Variants in GGACT observed in about 807,000 individuals in gnomAD.
GGACT encodes gamma-glutamylamine cyclotransferase.
For missense variants in GGACT, 241 were observed against 233.2 expected, an observed-to-expected ratio of 1.03 and a Z score of -0.22; for synonymous variants, 118 against 115.3, an observed-to-expected ratio of 1.02 and a Z score of -0.15.
chr13:100,560,182 T>C (rs1594191939), intron 2 of GGACT, among the ~76,000 whole-genome samples: 1 of 152,046 alleles, frequency 6.6e-6, no homozygotes, highest in Non-Finnish European at 1.5e-5. Flanking sequence ...CGTGATTACA[T>C]GAGTATATAT....
intron 2 of GGACT, among the ~76,000 whole-genome samples, chr13:100,543,317 C>G (rs1447603309): frequency 1.4e-5 from 2 of 145,022 alleles, no homozygotes; most frequent in African/African-American, 5.1e-5. Context: ...AAGCAGTTCT[C>G]CTGCCTCAGC....
chr13:100,553,843 CAA>C (rs10664762), intron 2 of GGACT, among the ~76,000 whole-genome samples: 4 of 117,712 alleles, frequency 3.4e-5, no homozygotes, highest in Non-Finnish European at 3.4e-5. Context: ...GACTCCATCT[CAA>C]AAAAAAAAAA....
intron 2 of GGACT, among the ~76,000 whole-genome samples, chr13:100,576,620 A>G (rs149216981): frequency 3.2e-4 from 49 of 152,350 alleles, no homozygotes; most frequent in African/African-American, 1.0e-3. Flanking sequence ...ATACACACAA[A>G]CAAATCTCAA....
chr13:100,588,436 C>T (rs563864320), intron 1 of GGACT, among the ~76,000 whole-genome samples: 13 of 152,220 alleles, frequency 8.5e-5, no homozygotes, highest in African/African-American at 3.1e-4. Flanking sequence ...AGGGAAGCAG[C>T]GCCCGTGCGT....
chr13:100,550,833 C>T (rs896498166), intron 2 of GGACT, among the ~76,000 whole-genome samples: 4 of 151,952 alleles, frequency 2.6e-5, no homozygotes, highest in African/African-American at 9.7e-5. Flanking sequence ...TGTTTTTTCT[C>T]CCCAAATTTA....
In GGACT at chr13:100,539,910, C is replaced by A. The variant is rs2088535179; in HGVS notation, c.-10-7309G>T. 6 of 1,356,980 alleles carry A rather than the reference C, an allele frequency of 4.4e-6. No homozygotes were observed. In the Middle Eastern group the frequency reaches 7.6e-4, roughly 173 times the overall value. The allele number at this position is 1,356,980 out of a possible 1,614,324, so 84.1% of individuals were successfully genotyped here. On this transcript the variant is annotated intron_variant, in intron 2 of 2. Transcript: ENST00000683975. ...TTAAGAACTCAGCTCCTTACATGGG[C>A]TTTGGTGGGGGACGTGGGGCAGCAC...
chr13:100,569,304 G>A (rs200966388), intron 2 of GGACT, among the ~76,000 whole-genome samples: 3 of 152,378 alleles, frequency 2.0e-5, no homozygotes, highest in East Asian at 3.9e-4. Flanking sequence ...ACATCCAGGT[G>A]CCTCTGTACA....
intron 2 of GGACT, among the ~76,000 whole-genome samples, chr13:100,556,800 A>C (rs185116492): frequency 2.2e-3 from 341 of 152,328 alleles, no homozygotes; most frequent in African/African-American, 7.7e-3. Flanking sequence ...TGTACCCACA[A>C]AAATTAAAAA....
intron 2 of GGACT, among the ~76,000 whole-genome samples, chr13:100,560,706 C>T (rs963705734): frequency 6.6e-6 from 1 of 152,242 alleles, no homozygotes. Flanking sequence ...ATCCCTTTAG[C>T]CTCCCCAGGT....
At chr13:100,571,812 C>T (rs1270986270) in intron 2 of GGACT, among the ~76,000 whole-genome samples, 1 of 152,188 alleles carries the variant, frequency 6.6e-6, no homozygotes, top group Non-Finnish European at 1.5e-5. Context: ...CTGGCCCACA[C>T]ATGATCTCAA....
At chr13:100,542,906 C>T (rs1489260874) in intron 2 of GGACT, among the ~76,000 whole-genome samples, 3 of 152,162 alleles carry the variant, frequency 2.0e-5, no homozygotes, top group South Asian at 2.1e-4. Flanking sequence ...AAACGCAGTC[C>T]GTCTATAGTT....
At chr13:100,587,959 G>A (rs1262813710) in intron 1 of GGACT, among the ~76,000 whole-genome samples, 1 of 152,222 alleles carries the variant, frequency 6.6e-6, no homozygotes, top group Non-Finnish European at 1.5e-5. Flanking sequence ...CCGGAAGGCA[G>A]AGGTTGCAGT....
chr13:100,541,291 A>G (rs1265821648), intron 2 of GGACT, among the ~76,000 whole-genome samples: 3 of 151,320 alleles, frequency 2.0e-5, no homozygotes, highest in Admixed American at 2.0e-4. Flanking sequence ...CAGGGCAAGT[A>G]TCAAACAATC....
chr13:100,552,983 G>T (rs1488071036), intron 2 of GGACT, among the ~76,000 whole-genome samples: 1 of 152,100 alleles, frequency 6.6e-6, no homozygotes, highest in Non-Finnish European at 1.5e-5. Flanking sequence ...CCAGGTGGCG[G>T]GTGGCTGGGG....
intron 2 of GGACT, among the ~76,000 whole-genome samples, chr13:100,580,932 A>T (rs1875397586): frequency 6.6e-6 from 1 of 152,220 alleles, no homozygotes; most frequent in African/African-American, 2.4e-5. Context: ...CAACACTGTG[A>T]TACACACATA....
At chr13:100,541,019 C>T (rs1447153177) in intron 2 of GGACT, among the ~76,000 whole-genome samples, 2 of 152,178 alleles carry the variant, frequency 1.3e-5, no homozygotes, top group Non-Finnish European at 2.9e-5. Flanking sequence ...TTTGTTTTTC[C>T]ATGGCACAGG....
In GGACT at chr13:100,550,339, CACACACACACACA is replaced by C. The variant is rs1566532501; in HGVS notation, c.-10-17751_-10-17739del. ...ACACACACACACACACACACACACACACACACACACACACACCACTGGCCCTTCTAAGGAAACT... is the reference window on the plus strand; with the variant it reads ...ACACACACACACACACACACACACACCACCACTGGCCCTTCTAAGGAAACT... On this transcript the variant is annotated intron_variant, in intron 2 of 2. Transcript: ENST00000683975. 3.0e-3 allele frequency among the ~76,000 whole-genome samples: 381 copies of C among 125,714 alleles called. 45 individuals are homozygous for C. The highest frequency in any genetic ancestry group is 0.02 in the East Asian group (78 of 3,952). 82.5% of individuals were successfully genotyped at this position (125,714 alleles called of 152,430 possible).
At chr13:100,561,861 G>A (rs1033459349) in intron 2 of GGACT, among the ~76,000 whole-genome samples, 1 of 152,212 alleles carries the variant, frequency 6.6e-6, no homozygotes. Flanking sequence ...GAGTGGGGGA[G>A]TGGGATCCCC....
chr13:100,579,200 G>A (rs747930714), intron 2 of GGACT, among the ~76,000 whole-genome samples: 9 of 152,146 alleles, frequency 5.9e-5, no homozygotes, highest in Non-Finnish European at 1.2e-4. Context: ...GCAGTGTTTA[G>A]GCTAGCATGC....
Sources: gnomAD v4.1 joint callset for allele counts (sites outside exome capture counted in the v4.1 genomes callset) on GRCh38, gnomAD v4.1.1 for gene constraint, MANE v1.5 for transcripts, NCBI Gene and HGNC (gene_info 2026-07-23, HGNC 2026-07-21) for gene names.